Variants in LRR1 observed in about 807,000 individuals in gnomAD.
LRR1 encodes the protein leucine-rich repeat protein 1.
LRR1 carries 29 observed loss-of-function variants against 31.6 expected under a neutral mutation model. That is an observed-to-expected ratio of 0.92 (90% CI 0.68 to 1.25). The LOEUF (loss-of-function observed/expected upper bound fraction) is 1.25, where lower values mean the gene tolerates loss of function less well. Among genes scored for constraint, LRR1 ranks in the 50% most tolerant of loss-of-function variants. The pLI is 0.00. For synonymous variants in LRR1, 179 were observed against 181.4 expected (o/e 0.99, Z 0.10); for missense variants, 485 against 487.2 (o/e 1.00, Z 0.04).
intron 3 of LRR1, among the ~76,000 whole-genome samples, chr14:49,609,419 G>A (rs1252512856): frequency 6.6e-6 from 1 of 150,808 alleles, no homozygotes; most frequent in African/African-American, 2.4e-5. Flanking sequence ...TTATTTATTT[G>A]TTTGAGACAG....
At chr14:49,606,922 G>T (rs192684135) in intron 2 of LRR1, among the ~76,000 whole-genome samples, 140 of 152,156 alleles carry the variant, frequency 9.2e-4, no homozygotes, top group African/African-American at 3.1e-3. Flanking sequence ...CTCCCAAAGT[G>T]CTGGGATTAC....
Position 49,608,001 on chromosome 14 carries a change from C to A in LRR1, c.884C>A (p.Ser295Tyr), listed in dbSNP as rs147512785. The part of the protein sequence containing the change: ...PFLPSEFRNL[S>Y]LEYLDLFGNT... ...TTGCCTAGTGAATTTAGAAATTTAT[C>A]CCTTGAATACTTGGATCTTTTTGGA... Residue 295 changes from serine (S) to tyrosine (Y), a missense_variant, in exon 3 of 4, where the codon TCC (serine) becomes TAC (tyrosine). Ser to Tyr is a moderately radical substitution (Grantham distance 144). This residue lies in a region of LRR1 where 210 missense variants were observed against 200.4 expected (regional missense o/e 1.05). Transcript: ENST00000298288. The A allele has an allele frequency of 2.2e-5, 35 of 1,613,852 alleles. No homozygotes were observed. The highest frequency in any genetic ancestry group is 9.3e-5 in the African/African-American group (7 of 74,912).
chr14:49,608,752 G>C (rs937359046), intron 3 of LRR1, among the ~76,000 whole-genome samples: 1 of 151,974 alleles, frequency 6.6e-6, no homozygotes, highest in Non-Finnish European at 1.5e-5. Flanking sequence ...CAGAAACTGA[G>C]AGTGGGGTCC....
At chr14:49,608,577 A>G (rs1882385801) in intron 3 of LRR1, among the ~76,000 whole-genome samples, 1 of 151,342 alleles carries the variant, frequency 6.6e-6, no homozygotes. Flanking sequence ...TTTCCCTAGG[A>G]TCTAAACCAT....
chr14:49,599,664 G>A (rs1881961583), intron 1 of LRR1, among the ~76,000 whole-genome samples: 1 of 151,714 alleles, frequency 6.6e-6, no homozygotes, highest in South Asian at 2.1e-4. Flanking sequence ...CGTCTCCCCC[G>A]GGGCCGGCCG....
chr14:49,608,511 T>C (rs2139547153), intron 3 of LRR1, among the ~76,000 whole-genome samples: 1 of 148,490 alleles, frequency 6.7e-6, no homozygotes, highest in South Asian at 2.2e-4. Context: ...ACTGTCAGTT[T>C]TCCCCACTAG....
chr14:49,606,759 C>A (rs188094123), intron 2 of LRR1, among the ~76,000 whole-genome samples: 1 of 151,664 alleles, frequency 6.6e-6, no homozygotes, highest in African/African-American at 2.4e-5. Context: ...CGGGTTCAAG[C>A]GATTCTCCTT....
In LRR1 at chr14:49,599,036, G is replaced by A. The variant is rs746197235; in HGVS notation, c.16G>A (p.Glu6Lys). 2 of 1,609,394 alleles carry A rather than the reference G, an allele frequency of 1.2e-6. No homozygotes were observed. Among genetic ancestry groups the A allele is most frequent in the East Asian group, 4.5e-5 (2 of 44,792 alleles). Residue 6 changes from glutamate (E) to lysine (K), a missense_variant, in exon 1 of 4, where the codon GAG becomes AAG. This residue lies in a region of LRR1 where 260 missense variants were observed against 249.6 expected (regional missense o/e 1.04). Transcript: ENST00000298288. MKLHC[E>K]VEVISRHLPA... ...GTTGGGCGAGATGAAGCTACACTGT[G>A]AGGTGGAGGTGATCAGCCGGCACTT... is the stretch of plus-strand genomic sequence containing the variant.
intron 1 of LRR1, 78 bp from the exon 2 acceptor site, chr14:49,602,291 TG>T: frequency 8.0e-7 from 1 of 1,249,966 alleles, no homozygotes; most frequent in Non-Finnish European, 1.2e-6. Flanking sequence ...GCAAAGTAAC[TG>T]GCACATTCTA....
At chr14:49,613,210 G>A (rs945632720) in intron 3 of LRR1, among the ~76,000 whole-genome samples, 3 of 152,050 alleles carry the variant, frequency 2.0e-5, no homozygotes, top group Non-Finnish European at 4.4e-5. Context: ...GTGGTGGCGG[G>A]CACCTATAGT....
At chr14:49,607,365 T>A (rs1323922204) in intron 2 of LRR1, 35 bp from the exon 3 acceptor site, 2 of 1,514,970 alleles carry the variant, frequency 1.3e-6, no homozygotes, top group South Asian at 2.7e-5. Flanking sequence ...TTATCTCCAG[T>A]GGAATTTATA....
At chr14:49,599,839 GGC>G (rs1566490327) in intron 1 of LRR1, among the ~76,000 whole-genome samples, 1 of 147,534 alleles carries the variant, frequency 6.8e-6, no homozygotes, top group Non-Finnish European at 1.5e-5. Context: ...TCTCCCCTCC[GGC>G]GAGGGGAGTC....
chr14:49,604,647 G>A (rs1244646712), intron 2 of LRR1, among the ~76,000 whole-genome samples: 2 of 151,176 alleles, frequency 1.3e-5, no homozygotes, highest in African/African-American at 4.9e-5. Flanking sequence ...AACTGTGATT[G>A]CAGCCACTGC....
chr14:49,602,436 A>C lies in LRR1; in HGVS notation c.250A>C (p.Lys84Gln). Residue 84 changes from lysine to glutamine, a missense_variant, in exon 2 of 4, where the codon AAG (lysine) becomes CAG (glutamine). Around this residue, in one of 3 missense-constraint regions of LRR1, gnomAD observed 260 missense variants for 249.6 expected, o/e 1.04. Transcript: ENST00000298288. Reference sequence around the variant, plus strand: ...TGAGGGGAAAGCCACTGTTCGGTTAAAGGAGCCTCCTGTGGATATCTGTCT... The same window carrying C: ...TGAGGGGAAAGCCACTGTTCGGTTACAGGAGCCTCCTGTGGATATCTGTCT... ...VDEGKATVRL[K>Q]EPPVDICLSK... 1 of 1,613,864 alleles carries C rather than the reference A, an allele frequency of 6.2e-7. No individual in the cohort carries two copies. Among genetic ancestry groups the C allele is most frequent in the African/African-American group, 1.3e-5 (1 of 75,008 alleles).
chr14:49,613,628 G>A (rs183787822), intron 3 of LRR1, among the ~76,000 whole-genome samples: 91 of 151,628 alleles, frequency 6.0e-4, no homozygotes, highest in Non-Finnish European at 9.0e-4. Flanking sequence ...CCAACATGGT[G>A]AAACCTCGTC....
Position 49,614,311 on chromosome 14 carries a change from GCAA to G in LRR1, c.1061_1063del (p.Ala354_Lys355delinsGlu). 6.2e-7 allele frequency: 1 copy of G among 1,613,528 alleles called. No individual in the cohort carries two copies. The highest frequency in any genetic ancestry group is 8.5e-7 in the Non-Finnish European group (1 of 1,179,884). On this transcript the variant is annotated inframe_deletion, in exon 4 of 4. Coordinates refer to ENST00000298288, the MANE Select transcript of LRR1 (RefSeq NM_152329.4). ...CCATCTCTGCCAAGATTTGGATACC[GCAA>G]AAATTTGTGTTTGTGGAAGATTCTG... is the stretch of plus-strand genomic sequence containing the variant.
At chr14:49,601,783 C>T in intron 1 of LRR1, 1 of 650,834 alleles carries the variant, frequency 1.5e-6, no homozygotes, top group Non-Finnish European at 2.3e-6. Flanking sequence ...ACATCCACCA[C>T]CAGCTAGATG....
intron 1 of LRR1, among the ~76,000 whole-genome samples, chr14:49,602,139 ACTTTT>A: frequency 9.3e-6 from 1 of 107,672 alleles, no homozygotes; most frequent in African/African-American, 3.6e-5. Flanking sequence ...AAAAAAAACA[ACTTTT>A]TTTTTTTTTT....
intron 1 of LRR1, 82 bp downstream of exon 1, chr14:49,599,285 C>A: frequency 2.1e-6 from 3 of 1,428,280 alleles, no homozygotes; most frequent in East Asian, 2.5e-5. Flanking sequence ...CTCATGCTCC[C>A]GGCTGCTCCC....
Sources: allele counts gnomAD v4.1 joint callset (sites outside exome capture counted in the v4.1 genomes callset), GRCh38; gene constraint gnomAD v4.1.1; regional missense constraint gnomAD v4.1.1; transcripts MANE v1.5; gene names NCBI Gene and HGNC (gene_info 2026-07-23, HGNC 2026-07-21).